Variants in FARS2 observed in about 807,000 individuals in gnomAD.
The protein encoded by FARS2 is phenylalanyl-tRNA synthetase 2, mitochondrial.
In FARS2, 40 loss-of-function variants were observed where a neutral mutation model predicts 46.4. That is an observed-to-expected ratio of 0.86 (90% CI 0.67 to 1.12). The LOEUF is 1.12. Ranked by LOEUF, FARS2 falls within the 50% of genes most tolerant of loss-of-function variation. The pLI, the probability that FARS2 is intolerant of heterozygous loss-of-function variation, is 0.00. For missense variants in FARS2, 513 were observed against 567.9 expected, an observed-to-expected ratio of 0.90 and a Z score of 0.98; for synonymous variants, 234 against 214.9, an observed-to-expected ratio of 1.09 and a Z score of -0.78.
chr6:5,301,926 T>G (rs1477343173), intron 1 of FARS2, among the ~76,000 whole-genome samples: 1 of 151,982 alleles, frequency 6.6e-6, no homozygotes, highest in Non-Finnish European at 1.5e-5. Flanking sequence ...TCCTTCATGT[T>G]GGGAATTCAC....
At chr6:5,438,741 C>G (rs1763677180) in intron 4 of FARS2, among the ~76,000 whole-genome samples, 1 of 152,122 alleles carries the variant, frequency 6.6e-6, no homozygotes, top group African/African-American at 2.4e-5. Flanking sequence ...GTTTCAGCAT[C>G]CCTAACTCAA....
intron 1 of FARS2, among the ~76,000 whole-genome samples, chr6:5,319,792 A>G (rs1433806772): frequency 6.6e-6 from 1 of 152,106 alleles, no homozygotes; most frequent in Admixed American, 6.5e-5. Context: ...CCTGACTTGG[A>G]TCAGCTTAAA....
intron 4 of FARS2, among the ~76,000 whole-genome samples, chr6:5,456,593 C>T (rs1276424118): frequency 3.3e-5 from 5 of 151,796 alleles, no homozygotes; most frequent in Admixed American, 6.5e-5. Flanking sequence ...ATTAACCAGG[C>T]TTGGTGGTGC....
intron 4 of FARS2, among the ~76,000 whole-genome samples, chr6:5,533,162 G>A (rs144919565): frequency 1.3e-5 from 2 of 152,232 alleles, no homozygotes; most frequent in African/African-American, 4.8e-5. Flanking sequence ...CTGGTGCCCT[G>A]TATACAGTAG....
intron 1 of FARS2, among the ~76,000 whole-genome samples, chr6:5,315,738 T>TTTCTTTTTTTC: frequency 8.0e-6 from 1 of 125,154 alleles, no homozygotes; most frequent in Non-Finnish European, 1.7e-5. Context: ...TTCTTTCTTT[T>TTTCTTTTTTTC]TTCCTTTCTT....
At chr6:5,548,158 A>G (rs572410030) in intron 5 of FARS2, among the ~76,000 whole-genome samples, 5 of 152,286 alleles carry the variant, frequency 3.3e-5, no homozygotes, top group Admixed American at 2.0e-4. Context: ...ATAGCACAGG[A>G]AAGACCGGCC....
chr6:5,691,839 G>A (rs1757749683), intron 6 of FARS2, among the ~76,000 whole-genome samples: 1 of 152,202 alleles, frequency 6.6e-6, no homozygotes, highest in African/African-American at 2.4e-5. Context: ...GCTCCACCCA[G>A]TTCGAGCTTC....
intron 2 of FARS2, among the ~76,000 whole-genome samples, chr6:5,390,184 C>G (rs539348884): frequency 3.0e-4 from 45 of 152,086 alleles, no homozygotes; most frequent in Admixed American, 9.8e-4. Context: ...TTTTTTTGTT[C>G]CAGTACTTAC....
chr6:5,550,849 G>A (rs190084659), intron 5 of FARS2, among the ~76,000 whole-genome samples: 24 of 152,190 alleles, frequency 1.6e-4, no homozygotes, highest in Admixed American at 3.3e-4. Context: ...CTGCTGAGAC[G>A]CCTGAGGGGA....
intron 4 of FARS2, chr6:5,466,733 G>A (rs1480190482): frequency 2.0e-6 from 2 of 981,084 alleles, no homozygotes; most frequent in East Asian, 1.1e-4. Context: ...TCGAATGCAA[G>A]GCTGTGTGTG....
intron 1 of FARS2, among the ~76,000 whole-genome samples, chr6:5,349,265 A>G (rs797141): frequency 0.17 from 26,388 of 152,174 alleles, 3,807 homozygotes; most frequent in African/African-American, 0.4. Context: ...ACTTAGGTAT[A>G]AATTTAACAA....
chr6:5,367,125 A>T (rs961535071), intron 1 of FARS2, among the ~76,000 whole-genome samples: 6 of 152,252 alleles, frequency 3.9e-5, no homozygotes, highest in Admixed American at 1.3e-4. Flanking sequence ...TTCAACTTGC[A>T]GCTAGATTTC....
chr6:5,362,930 T>TC (rs1021139701), intron 1 of FARS2, among the ~76,000 whole-genome samples: 17 of 138,176 alleles, frequency 1.2e-4, no homozygotes, highest in Admixed American at 5.0e-4. Flanking sequence ...TTTCTTTCTT[T>TC]TTTTTTTTTT....
chr6:5,505,711 G>A (rs1768060189), intron 4 of FARS2, among the ~76,000 whole-genome samples: 1 of 152,072 alleles, frequency 6.6e-6, no homozygotes, highest in South Asian at 2.1e-4. Flanking sequence ...TGAGAGCATT[G>A]AACAATCATG....
At chr6:5,650,564 T>C (rs936009841) in intron 6 of FARS2, among the ~76,000 whole-genome samples, 2 of 151,986 alleles carry the variant, frequency 1.3e-5, no homozygotes, top group Non-Finnish European at 2.9e-5. Context: ...CACTGCAAGC[T>C]CCCCCTCCTG....
chr6:5,341,235 A>ATTTTTTTTTTTTTT (rs70974193), intron 1 of FARS2, among the ~76,000 whole-genome samples: 1 of 10,274 alleles, frequency 9.7e-5, no homozygotes, highest in African/African-American at 2.6e-4. Context: ...ATATATATAT[A>ATTTTTTTTTTTTTT]TTTTTTTTTT....
rs374790209 is a variant in FARS2, at chr6:5,384,645, C to T, written c.612+15463C>T. Among the ~76,000 whole-genome samples the T allele has an allele frequency of 1.6e-4, 24 of 152,082 alleles. No individual in the cohort carries two copies. In the East Asian group the frequency reaches 4.2e-3, roughly 27 times the overall value. On this transcript the variant is annotated intron_variant, in intron 2 of 6. Transcript: ENST00000274680. ...GATATGGACAGGCCATGTTGGCCAG[C>T]GAGGACTTGTTTGAGTTGGAAAATA...
rs542719785 is a variant in FARS2, at chr6:5,567,884, A to C, written c.1065+22544A>C. On this transcript the variant is annotated intron_variant, in intron 5 of 6. Coordinates refer to ENST00000274680, the MANE Select transcript of FARS2 (RefSeq NM_006567.5). Reference sequence around the variant, plus strand: ...ACTACATTTTCTCACTGGTAAAATAAGTTCAGATACTCTCAAAGGCCACTC... The same window carrying C: ...ACTACATTTTCTCACTGGTAAAATACGTTCAGATACTCTCAAAGGCCACTC... Among the ~76,000 whole-genome samples, 7 of 152,376 alleles carry C rather than the reference A, an allele frequency of 4.6e-5. No homozygotes were observed. The South Asian group carries it at 1.5e-3, about 32-fold the overall frequency.
At chr6:5,515,761 T>G (rs912172721) in intron 4 of FARS2, among the ~76,000 whole-genome samples, 1 of 152,208 alleles carries the variant, frequency 6.6e-6, no homozygotes, top group Non-Finnish European at 1.5e-5. Flanking sequence ...GTTTTAGACA[T>G]TGATAATTTT....
Sources: allele counts gnomAD v4.1 joint callset (sites outside exome capture counted in the v4.1 genomes callset), GRCh38; gene constraint gnomAD v4.1.1; transcripts MANE v1.5; gene names NCBI Gene and HGNC (gene_info 2026-07-23, HGNC 2026-07-21).